LRP1B: variants seen among roughly 807,000 people sequenced by gnomAD.
LRP1B encodes the protein LDL receptor related protein 1B, also known as low-density lipoprotein receptor-related protein 1B.
LRP1B carries 217 observed loss-of-function variants against 556.6 expected under a neutral mutation model. The observed-to-expected ratio is 0.39, with a 90% CI of 0.35 to 0.44. The LOEUF is 0.44. LRP1B is among the 20% of genes least tolerant of loss of function. The pLI, the probability that LRP1B is intolerant of heterozygous loss-of-function variation, is 1.00. For missense variants in LRP1B, 5,053 were observed against 5,620.8 expected, an observed-to-expected ratio of 0.90 and a Z score of 3.23; for synonymous variants, 2,047 against 1,865.8, an observed-to-expected ratio of 1.10 and a Z score of -2.50.
chr2:141,626,327 G>A lies in LRP1B; in HGVS notation c.206-145794C>T, dbSNP rs757394978. The stretch of plus-strand genomic sequence containing the variant: ...AAGTTAACTTGAAATAGATCACAGA[G>A]CTAAATGTAAAATGCAAAACTATGA... On this transcript the variant is annotated intron_variant, in intron 2 of 90. Coordinates refer to ENST00000389484, the MANE Select transcript of LRP1B (RefSeq NM_018557.3). Among the ~76,000 whole-genome samples, 34 of 152,234 alleles carry A rather than the reference G, an allele frequency of 2.2e-4. 1 individual carries two copies. The highest frequency in any genetic ancestry group is 6.8e-3 in the Middle Eastern group (2 of 294).
At chr2:141,819,719 T>G (rs553523874) in intron 1 of LRP1B, among the ~76,000 whole-genome samples, 1 of 152,256 alleles carries the variant, frequency 6.6e-6, no homozygotes, top group Non-Finnish European at 1.5e-5. Context: ...AATAATATAA[T>G]TTCAAATAGT....
At chr2:140,773,454 G>A (rs1209221111) in intron 33 of LRP1B, among the ~76,000 whole-genome samples, 1 of 152,058 alleles carries the variant, frequency 6.6e-6, no homozygotes, top group Non-Finnish European at 1.5e-5. Flanking sequence ...GGGTGACAGA[G>A]TGAGACTCCA....
intron 20 of LRP1B, among the ~76,000 whole-genome samples, chr2:140,924,878 T>C (rs1694842294): frequency 6.6e-6 from 1 of 152,082 alleles, no homozygotes; most frequent in Admixed American, 6.6e-5. Flanking sequence ...TAAAATGTGA[T>C]ATAGCAATTT....
intron 3 of LRP1B, among the ~76,000 whole-genome samples, chr2:141,430,964 T>C (rs1445681446): frequency 1.3e-5 from 2 of 151,812 alleles, no homozygotes; most frequent in Non-Finnish European, 2.9e-5. Flanking sequence ...ATCTGGTCTC[T>C]ACAAAATAAA....
At chr2:141,234,920 T>C (rs1438954523) in intron 5 of LRP1B, among the ~76,000 whole-genome samples, 3 of 152,094 alleles carry the variant, frequency 2.0e-5, no homozygotes, top group Non-Finnish European at 2.9e-5. Context: ...GAAAAAAATA[T>C]AGCATTGAAA....
intron 3 of LRP1B, among the ~76,000 whole-genome samples, chr2:141,357,798 T>C (rs1007684193): frequency 6.6e-6 from 1 of 152,224 alleles, no homozygotes; most frequent in African/African-American, 2.4e-5. Flanking sequence ...TATGGAAATA[T>C]ATTTTTTGGT....
At chr2:141,166,262 G>A (rs532979140) in intron 7 of LRP1B, among the ~76,000 whole-genome samples, 2 of 151,356 alleles carry the variant, frequency 1.3e-5, no homozygotes, top group Admixed American at 1.3e-4. Flanking sequence ...TGCTCTCTAC[G>A]TTCTCACTTT....
chr2:140,517,050 G>A (rs1689938142), intron 49 of LRP1B, 39 bp from the exon 50 acceptor site: 1 of 1,465,054 alleles, frequency 6.8e-7, no homozygotes, highest in African/African-American at 1.4e-5. Context: ...TTTCATTTTA[G>A]ACTTCTGAAA....
intron 20 of LRP1B, among the ~76,000 whole-genome samples, chr2:140,941,298 C>A (rs545311806): frequency 6.6e-6 from 1 of 152,144 alleles, no homozygotes; most frequent in East Asian, 1.9e-4. Context: ...AGATACTCTT[C>A]TTCCATGGAG....
intron 2 of LRP1B, among the ~76,000 whole-genome samples, chr2:141,626,920 G>A (rs545561566): frequency 1.7e-4 from 26 of 152,260 alleles, no homozygotes; most frequent in Non-Finnish European, 2.1e-4. Flanking sequence ...CATTCATACC[G>A]TATGATTCAA....
intron 3 of LRP1B, among the ~76,000 whole-genome samples, chr2:141,342,981 C>A (rs1412294519): frequency 6.6e-6 from 1 of 152,102 alleles, no homozygotes; most frequent in East Asian, 1.9e-4. Flanking sequence ...AGAGAAAGGT[C>A]GGGTTACCCA....
intron 1 of LRP1B, among the ~76,000 whole-genome samples, chr2:142,048,271 TC>T (rs932142021): frequency 6.6e-6 from 1 of 152,128 alleles, no homozygotes; most frequent in African/African-American, 2.4e-5. Context: ...AGGTATGCCA[TC>T]TTGTACATAC....
intron 1 of LRP1B, among the ~76,000 whole-genome samples, chr2:141,822,094 C>CAT (rs1696768463): frequency 5.8e-5 from 3 of 51,318 alleles, no homozygotes; most frequent in Admixed American, 4.9e-4. Context: ...AAAATACATA[C>CAT]ACACACACAC....
intron 1 of LRP1B, among the ~76,000 whole-genome samples, chr2:141,832,979 A>G (rs946530788): frequency 6.6e-6 from 1 of 151,766 alleles, no homozygotes; most frequent in Non-Finnish European, 1.5e-5. Flanking sequence ...TGTTACTAAC[A>G]CTATTTTTCA....
At chr2:140,872,994 A>C (rs2105166433) in intron 25 of LRP1B, among the ~76,000 whole-genome samples, 1 of 152,290 alleles carries the variant, frequency 6.6e-6, no homozygotes, top group Non-Finnish European at 1.5e-5. Flanking sequence ...AGAAAATAAA[A>C]GTACTTAAAT....
intron 21 of LRP1B, among the ~76,000 whole-genome samples, chr2:140,915,289 G>A (rs1694541269): frequency 6.6e-6 from 1 of 152,020 alleles, no homozygotes; most frequent in Admixed American, 6.6e-5. Flanking sequence ...TGTGGAGAAA[G>A]AAATAGAAGA....
chr2:140,950,225 A>G lies in LRP1B; in HGVS notation c.3136+10T>C. 1.3e-6 allele frequency: 2 copies of G among 1,539,754 alleles called. No individual in the cohort carries two copies. The highest frequency in any genetic ancestry group is 1.7e-6 in the Non-Finnish European group (2 of 1,143,616). ...AAAATGAGATTTCATTAATTTATAAAATTACTAACCTTCTTTAGTACAATT... is the reference window on the plus strand; with the variant it reads ...AAAATGAGATTTCATTAATTTATAAGATTACTAACCTTCTTTAGTACAATT... On this transcript the variant is annotated intron_variant, in intron 20 of 90. Transcript: ENST00000389484.
intron 2 of LRP1B, among the ~76,000 whole-genome samples, chr2:141,651,743 G>A (rs778795824): frequency 2.0e-5 from 3 of 151,954 alleles, no homozygotes; most frequent in Non-Finnish European, 4.4e-5. Context: ...AATCTAACTG[G>A]GTATCTTGAA....
chr2:140,892,893 CTG>C (rs1693840994), intron 23 of LRP1B, among the ~76,000 whole-genome samples: 1 of 152,018 alleles, frequency 6.6e-6, no homozygotes, highest in East Asian at 1.9e-4. Flanking sequence ...AAATGACAGA[CTG>C]TAATATGTAT....
Sources: gnomAD v4.1 joint callset for allele counts (sites outside exome capture counted in the v4.1 genomes callset) on GRCh38, gnomAD v4.1.1 for gene constraint, MANE v1.5 for transcripts, NCBI Gene and HGNC (gene_info 2026-07-23, HGNC 2026-07-21) for gene names.